C10orf90: variants seen among roughly 807,000 people sequenced by gnomAD.
C10orf90 encodes (E2-independent) E3 ubiquitin-conjugating enzyme FATS.
C10orf90 carries 56 observed loss-of-function variants against 62.5 expected under a neutral mutation model. The ratio of observed to expected loss-of-function variants is 0.90; its 90% confidence interval spans 0.72 to 1.12. The LOEUF (loss-of-function observed/expected upper bound fraction) is 1.12, where lower values mean the gene tolerates loss of function less well. C10orf90 is among the 50% of genes most tolerant of loss of function. C10orf90 has a pLI of 0.00. For missense variants in C10orf90, 970 were observed against 880.4 expected (o/e 1.10, Z -1.29); for synonymous variants, 386 against 340.4 (o/e 1.13, Z -1.47).
rs377615389 is a variant in C10orf90, at chr10:126,621,986, C to A, written c.313+24579G>T. On this transcript the variant is annotated intron_variant, in intron 2 of 9. Transcript: ENST00000488181. ...ACCCCCTAACTGGCTTACCCCGTAC[C>A]TTCAGATTCCCAGGTTAGCAAGCAT... Among the ~76,000 whole-genome samples the A allele has an allele frequency of 3.4e-4, 52 of 152,214 alleles. 2 individuals carry two copies. The highest frequency in any genetic ancestry group is 1.0e-3 in the African/African-American group (42 of 41,540).
intron 2 of C10orf90, among the ~76,000 whole-genome samples, chr10:126,565,281 TA>T (rs1844339190): frequency 5.1e-5 from 3 of 59,226 alleles, no homozygotes; most frequent in African/African-American, 1.3e-4. Flanking sequence ...TATATTATAT[TA>T]TATATTATAT....
At chr10:126,640,985 A>G (rs1451302164) in intron 2 of C10orf90, among the ~76,000 whole-genome samples, 1 of 152,210 alleles carries the variant, frequency 6.6e-6, no homozygotes, top group Non-Finnish European at 1.5e-5. Context: ...AGATGGAGTG[A>G]GGTACAATGA....
intron 6 of C10orf90, 65 bp from the exon 7 acceptor site, chr10:126,459,282 C>A: frequency 6.3e-7 from 1 of 1,574,882 alleles, no homozygotes; most frequent in South Asian, 1.1e-5. Flanking sequence ...ACGCATCTGT[C>A]TGATGCAGCC....
At chr10:126,585,459 G>GGGAGGGAGGGAGGGAAAATGGAAA (rs1372730445) in intron 2 of C10orf90, among the ~76,000 whole-genome samples, 1 of 147,678 alleles carries the variant, frequency 6.8e-6, no homozygotes, top group Non-Finnish European at 1.5e-5. Context: ...GAGGGAAGAA[G>GGGAGGGAGGGAGGGAAAATGGAAA]GAAGGAAAGG....
chr10:126,580,437 C>T (rs1293855519), intron 2 of C10orf90, among the ~76,000 whole-genome samples: 6 of 152,112 alleles, frequency 3.9e-5, no homozygotes, highest in Non-Finnish European at 8.8e-5. Context: ...AGGTGGATCA[C>T]AGTCAGGAGA....
At chr10:126,532,513 C>A (rs1036922603) in intron 2 of C10orf90, among the ~76,000 whole-genome samples, 2 of 151,926 alleles carry the variant, frequency 1.3e-5, no homozygotes. Context: ...TCAAATGAAC[C>A]CCCGATAAGT....
In C10orf90 at chr10:126,429,827, G is replaced by T; in HGVS notation, c.2212C>A (p.Arg738=). The T allele has an allele frequency of 1.2e-6, 2 of 1,613,934 alleles. No individual in the cohort carries two copies. Among genetic ancestry groups the T allele is most frequent in the Non-Finnish European group, 1.7e-6 (2 of 1,179,894 alleles). The change falls in exon 8 of 10, where the codon CGG becomes AGG. Residue 738 remains arginine (R), a synonymous_variant. Transcript: ENST00000488181. ...LSDNLFKPKE[R]CISEKEMHMR... Reference sequence around the variant, plus strand: ...TGCATCTCCTTCTCTGAAATGCACCGTTCTTTGGGTTTGAACAAGTTATCT... The same window carrying T: ...TGCATCTCCTTCTCTGAAATGCACCTTTCTTTGGGTTTGAACAAGTTATCT...
chr10:126,662,265 C>T (rs1473610834), intron 1 of C10orf90, among the ~76,000 whole-genome samples: 1 of 152,096 alleles, frequency 6.6e-6, no homozygotes, highest in Non-Finnish European at 1.5e-5. Flanking sequence ...ACGTGATTTT[C>T]CCTGTATTCA....
intron 7 of C10orf90, among the ~76,000 whole-genome samples, chr10:126,439,918 C>G (rs1321127624): frequency 6.6e-6 from 1 of 152,132 alleles, no homozygotes; most frequent in Non-Finnish European, 1.5e-5. Context: ...CTCACTGAGT[C>G]CCCAAGCAGG....
chr10:126,568,193 C>T (rs575272685), intron 2 of C10orf90, among the ~76,000 whole-genome samples: 1 of 152,294 alleles, frequency 6.6e-6, no homozygotes, highest in Admixed American at 6.5e-5. Flanking sequence ...CTCACAGGTC[C>T]CTAGCTCAGA....
At chr10:126,644,448 A>G (rs1846125290) in intron 2 of C10orf90, among the ~76,000 whole-genome samples, 1 of 152,172 alleles carries the variant, frequency 6.6e-6, no homozygotes, top group South Asian at 2.1e-4. Flanking sequence ...GAAGCGTGAA[A>G]CCCATTTAGG....
Position 126,453,772 on chromosome 10 carries a change from T to C in C10orf90, c.2188+5268A>G, listed in dbSNP as rs1720207502. 6.6e-6 allele frequency among the ~76,000 whole-genome samples: 1 copy of C among 152,000 alleles called. No homozygotes were observed. The highest frequency in any genetic ancestry group is 2.4e-5 in the African/African-American group (1 of 41,382). On this transcript the variant is annotated intron_variant, in intron 7 of 9. Coordinates refer to ENST00000488181, the MANE Select transcript of C10orf90 (RefSeq NM_001350921.2). This position sits in a 1 kb window ranked among gnomAD's most constrained non-coding sequence, Gnocchi z 4.9. ...CAGGAAAGGGTCTGGGGGTAAGAGATGAATAAAAAGGCTGGACTTGAGAGG... is the reference window on the plus strand; with the variant it reads ...CAGGAAAGGGTCTGGGGGTAAGAGACGAATAAAAAGGCTGGACTTGAGAGG...
intron 4 of C10orf90, among the ~76,000 whole-genome samples, chr10:126,490,022 ATATATAAT>A (rs1318588577): frequency 2.0e-5 from 1 of 49,448 alleles, no homozygotes; most frequent in Non-Finnish European, 3.5e-5. Context: ...ATTATATATA[ATATATAAT>A]ATATAATATA....
intron 2 of C10orf90, among the ~76,000 whole-genome samples, chr10:126,553,303 AAGAT>A (rs1188524389): frequency 6.6e-6 from 1 of 152,204 alleles, no homozygotes; most frequent in Non-Finnish European, 1.5e-5. Context: ...CAATAAGAAA[AAGAT>A]AGAAAACACA....
chr10:126,639,182 G>A (rs1293167806), intron 2 of C10orf90, among the ~76,000 whole-genome samples: 2 of 152,152 alleles, frequency 1.3e-5, no homozygotes, highest in African/African-American at 2.4e-5. Flanking sequence ...GAGGCCTGGA[G>A]ACCTATTTCT....
chr10:126,617,410 C>T (rs546517545), intron 2 of C10orf90, among the ~76,000 whole-genome samples: 3 of 152,202 alleles, frequency 2.0e-5, no homozygotes, highest in African/African-American at 7.2e-5. Flanking sequence ...GACCTAAATA[C>T]CTGCTCAGGG....
At chr10:126,567,757 G>A (rs1294359180) in intron 2 of C10orf90, among the ~76,000 whole-genome samples, 1 of 152,166 alleles carries the variant, frequency 6.6e-6, no homozygotes, top group Non-Finnish European at 1.5e-5. Flanking sequence ...TAGAGCAAAC[G>A]CCAGACTGGA....
chr10:126,656,819 G>GT (rs1280727846), intron 1 of C10orf90, among the ~76,000 whole-genome samples: 2 of 152,292 alleles, frequency 1.3e-5, no homozygotes, highest in Admixed American at 1.3e-4. Flanking sequence ...CTTCAAAAAC[G>GT]TATGAGTAAT....
At chr10:126,590,807 A>G (rs964063864) in intron 2 of C10orf90, among the ~76,000 whole-genome samples, 6 of 151,910 alleles carry the variant, frequency 3.9e-5, no homozygotes, top group African/African-American at 1.4e-4. Flanking sequence ...ACCCCATAAT[A>G]AAAAAGAAAA....
Sources: allele counts gnomAD v4.1 joint callset (sites outside exome capture counted in the v4.1 genomes callset), GRCh38; gene constraint gnomAD v4.1.1; non-coding constraint Gnocchi (gnomAD v3.1); transcripts MANE v1.5; gene names NCBI Gene and HGNC (gene_info 2026-07-23, HGNC 2026-07-21).